Variants in CMPK2 observed in about 807,000 individuals in gnomAD.
CMPK2 encodes the protein cytidine/uridine monophosphate kinase 2, also known as UMP-CMP kinase 2, mitochondrial.
A neutral mutation model predicts 33.4 loss-of-function variants in CMPK2; 32 were observed. The observed-to-expected ratio is 0.96, with a 90% CI of 0.72 to 1.29. The LOEUF (loss-of-function observed/expected upper bound fraction) is 1.29. CMPK2 is among the 50% of genes most tolerant of loss of function. The pLI, the probability that CMPK2 is intolerant of heterozygous loss-of-function variation, is 0.00. For missense variants in CMPK2, 672 were observed against 616.0 expected (o/e 1.09, Z -0.96); for synonymous variants, 299 against 275.3 (o/e 1.09, Z -0.85).
At chr2:6,843,468 G>A (rs1445125308), downstream of CMPK2, among the ~76,000 whole-genome samples, 4 of 152,130 alleles carry the variant, frequency 2.6e-5, no homozygotes, top group South Asian at 2.1e-4. Flanking sequence ...AAGTCCTTGA[G>A]GGGGTACTGC....
intron 1 of CMPK2, chr2:6,864,277 CAA>C (rs1422618077): frequency 1.6e-4 from 25 of 152,204 alleles, no homozygotes; most frequent in Admixed American, 1.6e-3. Context: ...GAAACTTGCT[CAA>C]AGTGACACAG....
At chr2:6,852,202 T>G (rs1219858169) in intron 3 of CMPK2, among the ~76,000 whole-genome samples, 1 of 152,204 alleles carries the variant, frequency 6.6e-6, no homozygotes, top group East Asian at 1.9e-4. Flanking sequence ...TGATGGTGCC[T>G]CAGTATGAGA....
intron 3 of CMPK2, among the ~76,000 whole-genome samples, chr2:6,853,196 C>T (rs182207437): frequency 3.3e-5 from 5 of 152,268 alleles, no homozygotes; most frequent in Admixed American, 2.0e-4. Flanking sequence ...GTGATCCACC[C>T]GCCTTGGCCT....
chr2:6,844,920 C>A (rs1028111692), downstream of CMPK2, among the ~76,000 whole-genome samples: 1 of 152,184 alleles, frequency 6.6e-6, no homozygotes, highest in Admixed American at 6.5e-5. Flanking sequence ...ACCAGAGGAA[C>A]TAATGATTTG....
downstream of CMPK2, among the ~76,000 whole-genome samples, chr2:6,845,686 G>A (rs952348290): frequency 3.9e-5 from 6 of 152,158 alleles, no homozygotes; most frequent in Non-Finnish European, 7.3e-5. Flanking sequence ...GTAGTAGTTG[G>A]GTTTGGGCAA....
chr2:6,854,632 C>T (rs898519897), intron 3 of CMPK2, among the ~76,000 whole-genome samples: 1 of 152,154 alleles, frequency 6.6e-6, no homozygotes, highest in African/African-American at 2.4e-5. Flanking sequence ...CACCCTTAGC[C>T]CATCAATTTC....
In CMPK2 at chr2:6,849,913, G is replaced by A; in HGVS notation, c.1287C>T (p.Pro429=). Residue 429 remains proline (P), a synonymous_variant, in exon 5 of 5, where the codon CCC becomes CCT. Transcript: ENST00000256722. The part of the protein sequence containing the change: ...NPGCHVVDAS[P]SREKVLQTVL... ...CCGTCTGCAGGACCTTTTCTCTGGA[G>A]GGGCTGGCATCAACCACATGGCAGC... The A allele has an allele frequency of 6.2e-7, 1 of 1,614,192 alleles. No homozygotes were observed.
Position 6,865,540 on chromosome 2 carries a change from C to CG in CMPK2, c.156dup (p.Gly53ArgfsTer87). 1 of 1,302,424 alleles carries CG rather than the reference C, an allele frequency of 7.7e-7. No individual in the cohort carries two copies. The highest frequency in any genetic ancestry group is 9.7e-7 in the Non-Finnish European group (1 of 1,030,848). 80.7% of individuals were successfully genotyped at this position (1,302,424 alleles called of 1,614,324 possible). On this transcript the variant is annotated frameshift_variant, in exon 1 of 5. Transcript: ENST00000256722. LOFTEE classifies it high-confidence loss of function. ...CGGGGGTCGGGGGCGTCTGCGTCGC[C>CG]GGGGGCGTCGGCGCCTAGGGCGAAG... is the stretch of plus-strand genomic sequence containing the variant.
chr2:6,850,668 T>C (rs537035511), intron 4 of CMPK2: 5 of 829,464 alleles, frequency 6.0e-6, no homozygotes, highest in East Asian at 2.5e-4. Context: ...AAATGTTCAC[T>C]GAAGTTTAAT....
rs149551546 is a variant in CMPK2, at chr2:6,852,271, G to A, written c.993-588C>T. Among the ~76,000 whole-genome samples the A allele has an allele frequency of 5.7e-4, 87 of 152,262 alleles. 3 individuals are homozygous for A. In the South Asian group the frequency reaches 0.015, roughly 26 times the overall value. On this transcript the variant is annotated intron_variant, in intron 3 of 4. Coordinates refer to ENST00000256722, the MANE Select transcript of CMPK2 (RefSeq NM_207315.4). ...AAAGTCCTCCCTAAGCAAGTCAGTC[G>A]CTCCTTCTGCTGGCTGTTTTAAAAA...
rs189668514 is a variant in CMPK2, at chr2:6,850,037, C to T, written c.1227-64G>A. ...TCACACAGCTATTTGCATTAATGTT[C>T]TTTTCCTACCATAGTATAAATAGCT... On this transcript the variant is annotated intron_variant, in intron 4 of 4. Transcript: ENST00000256722. The T allele has an allele frequency of 7.7e-5, 97 of 1,256,594 alleles. No homozygotes were observed. In the African/African-American group the frequency reaches 1.3e-3, roughly 17 times the overall value. 77.8% of individuals were successfully genotyped at this position (1,256,594 alleles called of 1,614,324 possible).
intron 3 of CMPK2, among the ~76,000 whole-genome samples, chr2:6,855,400 A>G (rs1662658067): frequency 6.6e-6 from 1 of 151,134 alleles, no homozygotes. Context: ...CCATGATTGC[A>G]AGTTTCCTGA....
intron 3 of CMPK2, chr2:6,840,824 C>G (rs530212917): frequency 1.6e-6 from 1 of 607,400 alleles, no homozygotes; most frequent in African/African-American, 1.8e-5. Context: ...CATGTTTAAC[C>G]AATTCAGAAG....
intron 3 of CMPK2, among the ~76,000 whole-genome samples, chr2:6,852,783 T>C (rs58886549): frequency 0.018 from 2,761 of 152,338 alleles, 76 homozygotes; most frequent in African/African-American, 0.064. Context: ...TAGTTTATTA[T>C]ACTCTTGCCC....
chr2:6,865,029 A>G lies in CMPK2; in HGVS notation c.668T>C (p.Leu223Ser). The G allele has an allele frequency of 7.0e-7, 1 of 1,428,758 alleles. No homozygotes were observed. Among genetic ancestry groups the G allele is most frequent in the Non-Finnish European group, 9.2e-7 (1 of 1,088,844 alleles). The allele number at this position is 1,428,758 out of a possible 1,614,324, so 88.5% of individuals were successfully genotyped here. The change falls in exon 1 of 5, where the codon TTG becomes TCG. Residue 223 changes from leucine (L) to serine (S), a missense_variant. Coordinates refer to ENST00000256722, the MANE Select transcript of CMPK2 (RefSeq NM_207315.4). ...FPDREAARAV[L>S]EECTSFIPEA... ...AGCGGACAGAACTCTTACCTCCTCC[A>G]AAACGGCCCGGGCGGCTTCCCGGTC... is the stretch of plus-strand genomic sequence containing the variant.
rs1027184490 is a variant in CMPK2, at chr2:6,849,263, T to C, written c.*587A>G. ...TCAGACACAAGATCAATGCCTTCTTTGTAAGTGTTCCTTACCCAAAAATGG... is the reference window on the plus strand; with the variant it reads ...TCAGACACAAGATCAATGCCTTCTTCGTAAGTGTTCCTTACCCAAAAATGG... On this transcript the variant is annotated 3_prime_UTR_variant, in exon 5 of 5. Coordinates refer to ENST00000256722, the MANE Select transcript of CMPK2 (RefSeq NM_207315.4). 2 of 985,346 alleles carry C rather than the reference T, an allele frequency of 2.0e-6. No individual in the cohort carries two copies. The highest frequency in any genetic ancestry group is 3.5e-5 in the African/African-American group (2 of 57,240). The allele number at this position is 985,346 out of a possible 1,614,324, so 61.0% of individuals were successfully genotyped here. A position where few individuals can be genotyped will look rare whatever the true frequency, so the allele number is the denominator to read the frequency against.
At chr2:6,854,047 GTTAC>G (rs1384646887) in intron 3 of CMPK2, among the ~76,000 whole-genome samples, 1 of 152,084 alleles carries the variant, frequency 6.6e-6, no homozygotes, top group Non-Finnish European at 1.5e-5. Context: ...CTTCCTATGT[GTTAC>G]TTACCCAACT....
intron 2 of CMPK2, 28 bp from the exon 3 acceptor site, chr2:6,861,413 T>C (rs759325922): frequency 4.5e-6 from 7 of 1,569,342 alleles, no homozygotes; most frequent in East Asian, 2.2e-5. Flanking sequence ...AATATATACA[T>C]CTTAACCACA....
chr2:6,848,523 TATAC>T lies in CMPK2; in HGVS notation c.*1323_*1326del, dbSNP rs1286792822. On this transcript the variant is annotated 3_prime_UTR_variant, in exon 5 of 5. Coordinates refer to ENST00000256722, the MANE Select transcript of CMPK2 (RefSeq NM_207315.4). ...TCAACTGAAATCAATTACATTTTAA[TATAC>T]ACATATTATATAGAAATTACCTATA... is the stretch of plus-strand genomic sequence containing the variant. 1 of 955,508 alleles carries T rather than the reference TATAC, an allele frequency of 1.0e-6. No homozygotes were observed. The highest frequency in any genetic ancestry group is 1.2e-6 in the Non-Finnish European group (1 of 802,862). The allele number at this position is 955,508 out of a possible 1,614,324, so 59.2% of individuals were successfully genotyped here.
Sources: gnomAD v4.1 joint callset for allele counts (sites outside exome capture counted in the v4.1 genomes callset) on GRCh38, gnomAD v4.1.1 for gene constraint, MANE v1.5 for transcripts, NCBI Gene and HGNC (gene_info 2026-07-23, HGNC 2026-07-21) for gene names.